Variants in PRKCA observed in about 807,000 individuals in gnomAD.
The protein encoded by PRKCA is protein kinase C alpha type.
Under a neutral mutation model 87.0 loss-of-function variants are expected in PRKCA, and 27 were observed. The observed-to-expected ratio is 0.31, with a 90% CI of 0.23 to 0.43. The LOEUF is 0.43. PRKCA is among the 20% of genes least tolerant of loss of function. PRKCA has a pLI of 1.00. For missense variants in PRKCA, 518 were observed against 852.3 expected (o/e 0.61, Z 4.88); for synonymous variants, 329 against 311.1 (o/e 1.06, Z -0.61).
intron 5 of PRKCA, among the ~76,000 whole-genome samples, chr17:66,684,044 A>G (rs1205980029): frequency 2.6e-5 from 4 of 152,108 alleles, no homozygotes; most frequent in Non-Finnish European, 4.4e-5. Context: ...GCCCCCTAGC[A>G]TTGCCTCTTA....
chr17:66,548,350 A>G (rs1968211423), intron 3 of PRKCA, among the ~76,000 whole-genome samples: 1 of 152,162 alleles, frequency 6.6e-6, no homozygotes, highest in African/African-American at 2.4e-5. Context: ...AGGGGCAGAA[A>G]GTCATCTCCT....
chr17:66,586,335 A>T (rs544623938), intron 3 of PRKCA, among the ~76,000 whole-genome samples: 45 of 145,930 alleles, frequency 3.1e-4, no homozygotes, highest in Non-Finnish European at 4.4e-4. Context: ...GCCCTCAAAA[A>T]ATAGGATTAA....
intron 2 of PRKCA, among the ~76,000 whole-genome samples, chr17:66,461,311 TA>T (rs949798317): frequency 6.6e-6 from 1 of 152,122 alleles, no homozygotes; most frequent in Non-Finnish European, 1.5e-5. Context: ...TATCTGTATG[TA>T]AAAAAACCTG....
intron 3 of PRKCA, among the ~76,000 whole-genome samples, chr17:66,552,438 C>G (rs765114527): frequency 2.0e-5 from 3 of 152,242 alleles, no homozygotes; most frequent in Non-Finnish European, 2.9e-5. Context: ...TTGAGGGTTT[C>G]TCCCGGGCTG....
At position 66,302,737 on chromosome 17, in the gene PRKCA, C is replaced by G; in HGVS notation, c.-115C>G. 1.3e-6 allele frequency: 1 copy of G among 778,860 alleles called. No homozygotes were observed. Among genetic ancestry groups the G allele is most frequent in the Non-Finnish European group, 1.6e-6 (1 of 629,768 alleles). 48.2% of individuals were successfully genotyped at this position (778,860 alleles called of 1,614,324 possible). On this transcript the variant is annotated 5_prime_UTR_variant, in exon 1 of 17. Transcript: ENST00000413366. Reference sequence around the variant, plus strand: ...CTCGCCGCGACCTCGGCCACCGGCCCGCGCCCCGCGCCCGGGGTCGCCCCG... The same window carrying G: ...CTCGCCGCGACCTCGGCCACCGGCCGGCGCCCCGCGCCCGGGGTCGCCCCG...
chr17:66,324,870 G>A (rs995300915), intron 2 of PRKCA, among the ~76,000 whole-genome samples: 1 of 152,130 alleles, frequency 6.6e-6, no homozygotes, highest in South Asian at 2.1e-4. Context: ...CTCAAATTTA[G>A]GGCTCCAGTG....
At chr17:66,412,830 C>T (rs1017822946) in intron 2 of PRKCA, 1 of 152,234 alleles carries the variant, frequency 6.6e-6, no homozygotes, top group African/African-American at 2.4e-5. Flanking sequence ...TCCATGGTCT[C>T]TAAAACGTGA....
At chr17:66,433,718 A>G (rs1326912898) in intron 2 of PRKCA, among the ~76,000 whole-genome samples, 1 of 151,946 alleles carries the variant, frequency 6.6e-6, no homozygotes. Context: ...CCCATTTTTT[A>G]TATTTTAGTA....
intron 2 of PRKCA, among the ~76,000 whole-genome samples, chr17:66,485,588 G>A (rs554686322): frequency 2.6e-5 from 4 of 152,272 alleles, no homozygotes; most frequent in Admixed American, 6.5e-5. Context: ...CCTGCCATTT[G>A]GGAGAAGATT....
intron 5 of PRKCA, among the ~76,000 whole-genome samples, chr17:66,662,407 G>C (rs1971931600): frequency 6.6e-6 from 1 of 152,114 alleles, no homozygotes; most frequent in Non-Finnish European, 1.5e-5. Flanking sequence ...GATGGCTTTA[G>C]CGCCATGGCT....
At chr17:66,497,470 T>C (rs377505269) in intron 3 of PRKCA, among the ~76,000 whole-genome samples, 4 of 148,482 alleles carry the variant, frequency 2.7e-5, no homozygotes, top group Admixed American at 1.4e-4. Context: ...CACTCCAACC[T>C]GGGCAACAAG....
At chr17:66,456,408 G>A (rs1028847684) in intron 2 of PRKCA, among the ~76,000 whole-genome samples, 2 of 152,110 alleles carry the variant, frequency 1.3e-5, no homozygotes, top group African/African-American at 2.4e-5. Context: ...TTTAAGAGCC[G>A]TAAGTGGCCT....
intron 5 of PRKCA, among the ~76,000 whole-genome samples, chr17:66,659,771 T>C (rs1971840274): frequency 6.6e-6 from 1 of 152,104 alleles, no homozygotes; most frequent in East Asian, 1.9e-4. Flanking sequence ...GTGATTGTTA[T>C]CACACTGTGC....
intron 2 of PRKCA, among the ~76,000 whole-genome samples, chr17:66,360,354 C>T (rs764629863): frequency 6.6e-6 from 1 of 152,120 alleles, no homozygotes; most frequent in African/African-American, 2.4e-5. Flanking sequence ...GGGGAAAGGC[C>T]TGGAGAGCAT....
chr17:66,480,330 G>A (rs896037320), intron 2 of PRKCA, among the ~76,000 whole-genome samples: 19 of 152,166 alleles, frequency 1.2e-4, no homozygotes, highest in African/African-American at 4.1e-4. Flanking sequence ...GGTGTTCCAC[G>A]TCCCTGATGT....
At chr17:66,729,088 A>C (rs1311036380) in intron 8 of PRKCA, among the ~76,000 whole-genome samples, 2 of 152,126 alleles carry the variant, frequency 1.3e-5, no homozygotes, top group African/African-American at 4.8e-5. Context: ...TCTCATCTCA[A>C]ATTTGCACTT....
intron 13 of PRKCA, among the ~76,000 whole-genome samples, chr17:66,749,124 T>C (rs1270265402): frequency 6.6e-6 from 1 of 150,562 alleles, no homozygotes; most frequent in East Asian, 2.0e-4. Flanking sequence ...TGGAACCCCC[T>C]CCCTGGCCAG....
chr17:66,533,187 G>A (rs1967628367), intron 3 of PRKCA, among the ~76,000 whole-genome samples: 1 of 152,198 alleles, frequency 6.6e-6, no homozygotes, highest in Non-Finnish European at 1.5e-5. Flanking sequence ...TAAAACAGCA[G>A]TAAAGTCATA....
At chr17:66,588,043 G>A (rs1969678015) in intron 3 of PRKCA, among the ~76,000 whole-genome samples, 1 of 151,372 alleles carries the variant, frequency 6.6e-6, no homozygotes, top group Non-Finnish European at 1.5e-5. Flanking sequence ...TACTAGCTTT[G>A]GCAACTTGCT....
Sources: allele counts gnomAD v4.1 joint callset (sites outside exome capture counted in the v4.1 genomes callset), GRCh38; gene constraint gnomAD v4.1.1; transcripts MANE v1.5; gene names NCBI Gene and HGNC (gene_info 2026-07-23, HGNC 2026-07-21).